ASTN2: variants seen among roughly 807,000 people sequenced by gnomAD.
ASTN2 encodes astrotactin-2.
A neutral mutation model predicts 139.8 loss-of-function variants in ASTN2; 54 were observed. That is an observed-to-expected ratio of 0.39 (90% CI 0.31 to 0.48). The LOEUF is 0.48. Ranked by LOEUF, ASTN2 falls within the 20% of genes least tolerant of loss-of-function variation. The pLI is 0.95. For missense variants in ASTN2, 1,565 were observed against 1,725.1 expected (o/e 0.91, Z 1.64); for synonymous variants, 756 against 719.5 (o/e 1.05, Z -0.81).
At chr9:116,442,674 A>G in intron 20 of ASTN2, 121 bp from the exon 21 acceptor site, 1 of 800,718 alleles carries the variant, frequency 1.2e-6, no homozygotes, top group East Asian at 2.6e-5. Flanking sequence ...TTAAAAAAAG[A>G]ATGATACTTA....
At chr9:116,949,961 A>C (rs554519453) in intron 10 of ASTN2, among the ~76,000 whole-genome samples, 25 of 152,302 alleles carry the variant, frequency 1.6e-4, no homozygotes, top group Admixed American at 3.3e-4. Context: ...TTCAATAAAC[A>C]GCAAAGTTTT....
rs965235055 is a variant in ASTN2, at chr9:116,580,055, C to T, written c.3355+38269G>A. On this transcript the variant is annotated intron_variant, in intron 19 of 22. Transcript: ENST00000313400. ...CAGGTTGGTCTCAAACTCCTGACTT[C>T]GTGATCCACCCACCTTGGCCTCCCA... Among the ~76,000 whole-genome samples, 11 of 152,282 alleles carry T rather than the reference C, an allele frequency of 7.2e-5. No individual in the cohort carries two copies. In the East Asian group the frequency reaches 1.4e-3, roughly 19 times the overall value.
Position 117,116,787 on chromosome 9 carries a change from A to AGT in ASTN2, c.1169-20638_1169-20637dup, listed in dbSNP as rs141528448. On this transcript the variant is annotated intron_variant, in intron 4 of 22. Coordinates refer to ENST00000313400, the MANE Select transcript of ASTN2 (RefSeq NM_001365068.1). ...TGTTCCTAAAAAGTCTCTCTGTGTG[A>AGT]GTGTGTGTGTGTGTTGATGGGGTTT... Among the ~76,000 whole-genome samples the AGT allele has an allele frequency of 6.2e-5, 7 of 112,460 alleles. No individual in the cohort carries two copies. The East Asian group carries it at 1.5e-3, about 24-fold the overall frequency. The allele number at this position is 112,460 out of a possible 152,430, so 73.8% of individuals were successfully genotyped here.
chr9:117,104,219 T>G (rs561392379), intron 4 of ASTN2, among the ~76,000 whole-genome samples: 2 of 152,324 alleles, frequency 1.3e-5, no homozygotes, highest in Admixed American at 6.5e-5. Context: ...TAAACCTGAT[T>G]GTTTATAATT....
Position 116,720,537 on chromosome 9 carries a change from G to C in ASTN2, c.2806+5234C>G, listed in dbSNP as rs937589013. On this transcript the variant is annotated intron_variant, in intron 16 of 22. Coordinates refer to ENST00000313400, the MANE Select transcript of ASTN2 (RefSeq NM_001365068.1). ...TTTGTCTATCTCTCTTTGTTTTTCT[G>C]TCTCCTCCTCCCCTCCCCTCTTTTC... is the stretch of plus-strand genomic sequence containing the variant. Among the ~76,000 whole-genome samples, 20 of 150,538 alleles carry C rather than the reference G, an allele frequency of 1.3e-4. No individual in the cohort carries two copies. The Admixed American group carries it at 1.3e-3, about 10-fold the overall frequency.
chr9:117,315,308 C>T (rs1030566134), intron 1 of ASTN2, among the ~76,000 whole-genome samples: 3 of 152,208 alleles, frequency 2.0e-5, no homozygotes, highest in African/African-American at 7.2e-5. Flanking sequence ...ACAGCCGTGC[C>T]TATTTTCCAG....
At chr9:116,576,328 G>C (rs1853720799) in intron 19 of ASTN2, among the ~76,000 whole-genome samples, 1 of 152,174 alleles carries the variant, frequency 6.6e-6, no homozygotes, top group Non-Finnish European at 1.5e-5. Flanking sequence ...ATACATGCAA[G>C]AAAACTGGGG....
intron 6 of ASTN2, among the ~76,000 whole-genome samples, chr9:117,020,681 T>C (rs1351870063): frequency 6.6e-6 from 1 of 152,132 alleles, no homozygotes; most frequent in Non-Finnish European, 1.5e-5. Context: ...TGTGGCAAGA[T>C]TTAGGGCATG....
chr9:116,865,989 A>AC lies in ASTN2; in HGVS notation c.1890-2257dup, dbSNP rs149348727. Among the ~76,000 whole-genome samples the AC allele has an allele frequency of 3.9e-5, 6 of 152,294 alleles. No homozygotes were observed. In the East Asian group the frequency reaches 1.2e-3, roughly 29 times the overall value. ...GGCAAGATCCTGACTCCCAATCTCCACAGTAGCTTTATGTTACCGCCTTTG... is the reference window on the plus strand; with the variant it reads ...GGCAAGATCCTGACTCCCAATCTCCACCAGTAGCTTTATGTTACCGCCTTTG... On this transcript the variant is annotated intron_variant, in intron 10 of 22. Coordinates refer to ENST00000313400, the MANE Select transcript of ASTN2 (RefSeq NM_001365068.1).
intron 4 of ASTN2, among the ~76,000 whole-genome samples, chr9:117,109,384 C>T (rs1270669577): frequency 6.6e-6 from 1 of 151,238 alleles, no homozygotes; most frequent in East Asian, 2.0e-4. Flanking sequence ...ATAAATCTGT[C>T]CTTCAATAGA....
chr9:116,631,881 C>T lies in ASTN2; in HGVS notation c.3073-11438G>A, dbSNP rs867135510. Reference sequence around the variant, plus strand: ...TTGTAATCCCAACACTTTGGGATGCCGAGGCAGGCGGATCACAAGGTCAAG... The same window carrying T: ...TTGTAATCCCAACACTTTGGGATGCTGAGGCAGGCGGATCACAAGGTCAAG... On this transcript the variant is annotated intron_variant, in intron 17 of 22. Transcript: ENST00000313400. 6.4e-4 allele frequency among the ~76,000 whole-genome samples: 97 copies of T among 151,890 alleles called. 2 individuals carry two copies. Among genetic ancestry groups the T allele is most frequent in the Middle Eastern group, 3.2e-3 (1 of 316 alleles).
At chr9:117,342,413 A>C (rs1829090283) in intron 1 of ASTN2, among the ~76,000 whole-genome samples, 1 of 152,234 alleles carries the variant, frequency 6.6e-6, no homozygotes, top group South Asian at 2.1e-4. Flanking sequence ...AGTCTGTTAG[A>C]AATCATATAG....
chr9:117,356,636 G>T (rs148929565), intron 1 of ASTN2, among the ~76,000 whole-genome samples: 1 of 152,216 alleles, frequency 6.6e-6, no homozygotes, highest in East Asian at 1.9e-4. Flanking sequence ...TAAAATACGG[G>T]TGCTTAAAAT....
intron 10 of ASTN2, among the ~76,000 whole-genome samples, chr9:116,867,960 G>T (rs1833060760): frequency 6.6e-6 from 1 of 152,194 alleles, no homozygotes; most frequent in African/African-American, 2.4e-5. Context: ...CACTTGCGGA[G>T]CCCAGGGTTT....
chr9:117,167,534 A>C (rs1830696920), intron 3 of ASTN2, among the ~76,000 whole-genome samples: 1 of 152,166 alleles, frequency 6.6e-6, no homozygotes, highest in Non-Finnish European at 1.5e-5. Context: ...CTGTGGGTGC[A>C]TGAACTCATA....
At chr9:116,947,242 C>T (rs1174913834) in intron 10 of ASTN2, among the ~76,000 whole-genome samples, 2 of 152,158 alleles carry the variant, frequency 1.3e-5, no homozygotes, top group African/African-American at 4.8e-5. Context: ...TAGTTTCTTA[C>T]TGAGTGAAAT....
At chr9:117,385,088 T>G (rs746370146) in intron 1 of ASTN2, among the ~76,000 whole-genome samples, 1 of 152,212 alleles carries the variant, frequency 6.6e-6, no homozygotes, top group Non-Finnish European at 1.5e-5. Flanking sequence ...TTCTGGATTC[T>G]TCACTTCAGG....
At chr9:116,533,077 TC>T in intron 19 of ASTN2, among the ~76,000 whole-genome samples, 1 of 152,348 alleles carries the variant, frequency 6.6e-6, no homozygotes. Flanking sequence ...TTCCTTCACA[TC>T]CCTTGTAAGT....
chr9:116,993,874 A>ATTTT (rs200536593), intron 7 of ASTN2, among the ~76,000 whole-genome samples: 2,422 of 134,322 alleles, frequency 0.018, 81 homozygotes, highest in African/African-American at 0.063. Flanking sequence ...ATATATATAT[A>ATTTT]TATTTTAACT....
Sources: gnomAD v4.1 joint callset for allele counts (sites outside exome capture counted in the v4.1 genomes callset) on GRCh38, gnomAD v4.1.1 for gene constraint, MANE v1.5 for transcripts, NCBI Gene and HGNC (gene_info 2026-07-23, HGNC 2026-07-21) for gene names.